Variants in CNIH3 observed in about 807,000 individuals in gnomAD.
CNIH3 encodes the protein protein cornichon homolog 3.
CNIH3 carries 14 observed loss-of-function variants against 24.1 expected under a neutral mutation model. The ratio of observed to expected loss-of-function variants is 0.58; its 90% CI spans 0.38 to 0.91. CNIH3 has a LOEUF of 0.91. CNIH3 is among the 40% of genes least tolerant of loss of function. The probability of loss-of-function intolerance (pLI) is 0.00; values close to 1 mark genes in which losing one functional copy is unlikely to be tolerated. For missense variants in CNIH3, 178 were observed against 196.8 expected (o/e 0.90, Z 0.57); for synonymous variants, 68 against 73.8 (o/e 0.92, Z 0.40).
chr1:224,682,971 T>C (rs10158430), intron 2 of CNIH3, among the ~76,000 whole-genome samples: 28,543 of 152,172 alleles, frequency 0.19, 2,965 homozygotes, highest in African/African-American at 0.27. Flanking sequence ...AATATTTTTG[T>C]GGAACCCTTT....
At chr1:224,586,029 A>G (rs1337567342) in intron 5 of CNIH3, among the ~76,000 whole-genome samples, 1 of 152,262 alleles carries the variant, frequency 6.6e-6, no homozygotes, top group African/African-American at 2.4e-5. Flanking sequence ...AACTCAGGAC[A>G]TCATGGAGGA....
At position 224,456,983 on chromosome 1, in the gene CNIH3, C is replaced by T. The variant is rs113026390; in HGVS notation, n.203+22121C>T. Among the ~76,000 whole-genome samples the T allele has an allele frequency of 7.1e-3, 1,074 of 152,320 alleles. 8 individuals carry two copies. Among genetic ancestry groups the T allele is most frequent in the Non-Finnish European group, 0.011 (722 of 68,036 alleles). ...AGGGCGTGGGAGCAGCAAGGCCACC[C>T]CGCTCAGGCCTCTGCCCTGGAGGAA... On this transcript the variant is annotated intron_variant and non_coding_transcript_variant, in intron 1 of 5. Transcript: ENST00000471578.
chr1:224,533,761 G>C (rs941077861), intron 2 of CNIH3, among the ~76,000 whole-genome samples: 5 of 152,110 alleles, frequency 3.3e-5, no homozygotes, highest in African/African-American at 1.2e-4. Flanking sequence ...CTGCATCAAG[G>C]CTTGCCCCAA....
chr1:224,512,208 G>A (rs1279830904), upstream of CNIH3, among the ~76,000 whole-genome samples: 1 of 152,102 alleles, frequency 6.6e-6, no homozygotes, highest in Admixed American at 6.6e-5. Context: ...CTAAGAATGG[G>A]CATGGTGGCT....
chr1:224,512,772 G>T (rs144498674), upstream of CNIH3, among the ~76,000 whole-genome samples: 1 of 151,940 alleles, frequency 6.6e-6, no homozygotes, highest in African/African-American at 2.4e-5. Flanking sequence ...TCATGGGTAC[G>T]TGCCCTCCCT....
chr1:224,527,126 G>C (rs1168745699), intron 2 of CNIH3, among the ~76,000 whole-genome samples: 1 of 152,150 alleles, frequency 6.6e-6, no homozygotes, highest in Admixed American at 6.5e-5. Context: ...AACTTGATGA[G>C]CGTGAGTGCT....
intron 1 of CNIH3, among the ~76,000 whole-genome samples, chr1:224,445,594 AAAG>A (rs1313727902): frequency 0.033 from 4,858 of 147,456 alleles, 119 homozygotes; most frequent in African/African-American, 0.041. Flanking sequence ...AAAAAAAAAA[AAAG>A]AAAGATTGTG....
intron 3 of CNIH3, among the ~76,000 whole-genome samples, chr1:224,720,809 T>A (rs982484076): frequency 6.6e-6 from 1 of 152,164 alleles, no homozygotes; most frequent in Non-Finnish European, 1.5e-5. Flanking sequence ...CGCCATGTCG[T>A]TCCCTGGAAG....
At chr1:224,702,121 G>T (rs1346992296) in intron 3 of CNIH3, among the ~76,000 whole-genome samples, 1 of 151,844 alleles carries the variant, frequency 6.6e-6, no homozygotes, top group Non-Finnish European at 1.5e-5. Context: ...TCCTAATAAT[G>T]GAAAAGTTGT....
intron 1 of CNIH3, among the ~76,000 whole-genome samples, chr1:224,667,172 G>T (rs1303153400): frequency 6.6e-6 from 1 of 152,160 alleles, no homozygotes; most frequent in Non-Finnish European, 1.5e-5. Flanking sequence ...CCAGATACTG[G>T]CATCTGACAG....
At chr1:224,567,935 A>G (rs909591479) in intron 4 of CNIH3, among the ~76,000 whole-genome samples, 2 of 152,116 alleles carry the variant, frequency 1.3e-5, no homozygotes, top group Non-Finnish European at 2.9e-5. Context: ...GCATTCTTCC[A>G]CCTAAGAGCA....
intron 3 of CNIH3, among the ~76,000 whole-genome samples, chr1:224,551,024 C>T (rs1009981977): frequency 3.9e-5 from 6 of 151,982 alleles, no homozygotes; most frequent in African/African-American, 1.4e-4. Flanking sequence ...AATGAGATAC[C>T]ATCTCACACC....
chr1:224,522,109 A>G (rs1004092962), intron 2 of CNIH3, among the ~76,000 whole-genome samples: 1 of 152,310 alleles, frequency 6.6e-6, no homozygotes, highest in African/African-American at 2.4e-5. Context: ...TCATTAAAGT[A>G]CTTGATAGAA....
At chr1:224,676,688 C>T (rs1331485482) in intron 1 of CNIH3, among the ~76,000 whole-genome samples, 1 of 152,220 alleles carries the variant, frequency 6.6e-6, no homozygotes, top group Non-Finnish European at 1.5e-5. Flanking sequence ...GGCCGTTCAT[C>T]TGCCCATCCT....
chr1:224,525,571 C>A (rs752895134), intron 2 of CNIH3, among the ~76,000 whole-genome samples: 3 of 152,218 alleles, frequency 2.0e-5, no homozygotes, highest in Non-Finnish European at 4.4e-5. Context: ...CTGCTCTACA[C>A]GCACATGTAA....
At position 224,716,831 on chromosome 1, in the gene CNIH3, A is replaced by C. The variant is rs191071354; in HGVS notation, c.199-13631A>C. ...AGGGAGTGGGTGTAATGAGAAATGGAAATAAGAAAGGACGGGAAGTGCTGT... is the reference window on the plus strand; with the variant it reads ...AGGGAGTGGGTGTAATGAGAAATGGCAATAAGAAAGGACGGGAAGTGCTGT... On this transcript the variant is annotated intron_variant, in intron 3 of 5. Transcript: ENST00000272133. 3.9e-3 allele frequency among the ~76,000 whole-genome samples: 588 copies of C among 152,244 alleles called. 4 individuals carry two copies. The highest frequency in any genetic ancestry group is 0.014 in the African/African-American group (569 of 41,514).
chr1:224,482,930 G>T (rs551407724), intron 1 of CNIH3, among the ~76,000 whole-genome samples: 4 of 152,236 alleles, frequency 2.6e-5, no homozygotes, highest in African/African-American at 9.6e-5. Context: ...CAGTGGAGTG[G>T]GCGATTCCCC....
chr1:224,563,251 G>A (rs556945495), intron 3 of CNIH3, among the ~76,000 whole-genome samples: 26 of 152,010 alleles, frequency 1.7e-4, no homozygotes, highest in Non-Finnish European at 2.6e-4. Context: ...CCAGTCTCAG[G>A]TATTCCTTTA....
intron 2 of CNIH3, among the ~76,000 whole-genome samples, chr1:224,536,713 C>G (rs1679301404): frequency 6.6e-6 from 1 of 152,094 alleles, no homozygotes; most frequent in African/African-American, 2.4e-5. Context: ...GTCTTGTTAG[C>G]TCAGAGGCAA....
Sources: gnomAD v4.1 joint callset for allele counts (sites outside exome capture counted in the v4.1 genomes callset) on GRCh38, gnomAD v4.1.1 for gene constraint, MANE v1.5 for transcripts, NCBI Gene and HGNC (gene_info 2026-07-23, HGNC 2026-07-21) for gene names.